Variants in HMGCLL1 observed in about 807,000 individuals in gnomAD.
HMGCLL1 encodes the protein 3-hydroxy-3-methylglutaryl-CoA lyase like 1, also known as 3-hydroxymethyl-3-methylglutaryl-CoA lyase, cytoplasmic.
HMGCLL1 carries 36 observed loss-of-function variants against 39.1 expected under a neutral mutation model. That is an observed-to-expected ratio of 0.92 (90% CI 0.71 to 1.22). The LOEUF is 1.22. Ranked by LOEUF, HMGCLL1 falls within the 50% of genes most tolerant of loss-of-function variation. HMGCLL1 has a pLI of 0.00. For synonymous variants in HMGCLL1, 149 were observed against 144.0 expected (o/e 1.03, Z -0.25); for missense variants, 451 against 416.5 (o/e 1.08, Z -0.72).
chr6:55,591,424 T>G, the HMGCLL1 span, among the ~76,000 whole-genome samples: 1 of 152,006 alleles, frequency 6.6e-6, no homozygotes, highest in Admixed American at 6.6e-5. Context: ...GCACTTCATC[T>G]TGATAATCAT....
intron 1 of HMGCLL1, among the ~76,000 whole-genome samples, chr6:55,552,124 A>T (rs1770363068): frequency 1.3e-5 from 2 of 152,020 alleles, no homozygotes; most frequent in South Asian, 4.1e-4. Flanking sequence ...GGGATCCAAA[A>T]ACAAACAAAC....
the HMGCLL1 span, among the ~76,000 whole-genome samples, chr6:55,607,270 T>C: frequency 1.3e-5 from 2 of 152,216 alleles, no homozygotes; most frequent in Non-Finnish European, 2.9e-5. Context: ...TCTGAGATTT[T>C]TCATGAGCAT....
chr6:55,668,759 G>A, the HMGCLL1 span, among the ~76,000 whole-genome samples: 1 of 151,788 alleles, frequency 6.6e-6, no homozygotes, highest in Admixed American at 6.6e-5. Flanking sequence ...AGATCTCAGA[G>A]AAAGTAGAGG....
intron 1 of HMGCLL1, among the ~76,000 whole-genome samples, chr6:55,565,151 A>C (rs1172061553): frequency 6.6e-6 from 1 of 152,120 alleles, no homozygotes; most frequent in African/African-American, 2.4e-5. Context: ...GACATTATGC[A>C]GTGAAAAACA....
chr6:55,558,645 A>C (rs2127469253), intron 1 of HMGCLL1, among the ~76,000 whole-genome samples: 1 of 152,292 alleles, frequency 6.6e-6, no homozygotes, highest in Non-Finnish European at 1.5e-5. Flanking sequence ...AACAATCACA[A>C]ATAAGCAGAG....
intron 7 of HMGCLL1, among the ~76,000 whole-genome samples, chr6:55,490,428 A>G (rs1766251843): frequency 6.6e-6 from 1 of 152,168 alleles, no homozygotes; most frequent in African/African-American, 2.4e-5. Context: ...TGATGAATCC[A>G]GTGTTCATTC....
the HMGCLL1 span, among the ~76,000 whole-genome samples, chr6:55,597,670 A>T: frequency 6.6e-6 from 1 of 152,188 alleles, no homozygotes; most frequent in East Asian, 1.9e-4. Flanking sequence ...ACCAACAACA[A>T]TGGTAAAATA....
At chr6:55,470,545 T>G (rs1017596739) in intron 7 of HMGCLL1, among the ~76,000 whole-genome samples, 1 of 151,840 alleles carries the variant, frequency 6.6e-6, no homozygotes. Flanking sequence ...TTCTTTAACT[T>G]TTAGATTTCT....
Position 55,434,841 on chromosome 6 carries a change from A to T in HMGCLL1, c.*821T>A, listed in dbSNP as rs1394239827. On this transcript the variant is annotated 3_prime_UTR_variant, in exon 9 of 9. Transcript: ENST00000274901. ...TATTTCCTTGGGCAATTTGAAAGTG[A>T]TCTGAAAATTATAAAGGTAGATTAT... The T allele has an allele frequency of 6.6e-6, 1 of 152,100 alleles. No homozygotes were observed. Among genetic ancestry groups the T allele is most frequent in the African/African-American group, 2.4e-5 (1 of 41,448 alleles). 9.4% of individuals were successfully genotyped at this position (152,100 alleles called of 1,614,324 possible).
At chr6:55,637,482 G>A in the HMGCLL1 span, among the ~76,000 whole-genome samples, 1 of 152,192 alleles carries the variant, frequency 6.6e-6, no homozygotes, top group Non-Finnish European at 1.5e-5. Context: ...GTTTCAGTTC[G>A]ATTATGTGGC....
chr6:55,514,284 G>T, intron 4 of HMGCLL1, 88 bp from the exon 5 acceptor site: 2 of 922,660 alleles, frequency 2.2e-6, no homozygotes, highest in Non-Finnish European at 3.2e-6. Context: ...CTCTATGAAG[G>T]CATACATGTA....
At position 55,439,484 on chromosome 6, in the gene HMGCLL1, C is replaced by T. The variant is rs769911043; in HGVS notation, c.871G>A (p.Val291Ile). The change falls in exon 8 of 9, where the codon GTA (valine) becomes ATA (isoleucine). Residue 291 changes from valine to isoleucine, a missense_variant. Transcript: ENST00000274901. ...ATATATATCAAATCCTCAGTGGCTACATTCCCAGAAGCACCTTTTGCATAA... is the reference window on the plus strand; with the variant it reads ...ATATATATCAAATCCTCAGTGGCTATATTCCCAGAAGCACCTTTTGCATAA... Reference protein sequence around the residue: ...CPYAKGASGNVATEDLIYMLN... With the variant: ...CPYAKGASGNIATEDLIYMLN... 3 of 1,612,672 alleles carry T rather than the reference C, an allele frequency of 1.9e-6. No individual in the cohort carries two copies. Among genetic ancestry groups the T allele is most frequent in the East Asian group, 4.5e-5 (2 of 44,866 alleles).
rs1763296805 is a variant in HMGCLL1, at chr6:55,434,512, C to CT, written c.*1149dup. ...ACCCGGTATTATTAGAGAAGTCTCT[C>CT]TAAATACTAGAACTGACATTTCAGA... On this transcript the variant is annotated 3_prime_UTR_variant, in exon 9 of 9. Transcript: ENST00000274901. 6.6e-6 allele frequency: 1 copy of CT among 152,036 alleles called. No individual in the cohort carries two copies. Among genetic ancestry groups the CT allele is most frequent in the African/African-American group, 2.4e-5 (1 of 41,424 alleles). The allele number at this position is 152,036 out of a possible 1,614,324, so 9.4% of individuals were successfully genotyped here.
chr6:55,606,565 T>TTA, the HMGCLL1 span, among the ~76,000 whole-genome samples: 551 of 152,174 alleles, frequency 3.6e-3, 4 homozygotes, highest in African/African-American at 0.012. Flanking sequence ...ATAGTTTTTT[T>TTA]AAAAATTTAT....
the HMGCLL1 span, among the ~76,000 whole-genome samples, chr6:55,627,546 C>A: frequency 1.3e-5 from 2 of 151,858 alleles, no homozygotes; most frequent in South Asian, 4.2e-4. Flanking sequence ...TTGAAGGATA[C>A]AAAGTATTAA....
the HMGCLL1 span, among the ~76,000 whole-genome samples, chr6:55,658,657 G>A: frequency 6.6e-5 from 10 of 151,952 alleles, no homozygotes; most frequent in Admixed American, 6.6e-4. Flanking sequence ...TAGGGATTGT[G>A]TAACATGGTA....
intron 7 of HMGCLL1, among the ~76,000 whole-genome samples, chr6:55,492,694 C>T (rs912007474): frequency 1.3e-5 from 2 of 152,206 alleles, no homozygotes; most frequent in East Asian, 3.8e-4. Flanking sequence ...GGCCTCATAT[C>T]ATGTTGCTTA....
chr6:55,563,791 G>A, intron 1 of HMGCLL1: 1 of 913,532 alleles, frequency 1.1e-6, no homozygotes, highest in South Asian at 1.4e-5. Context: ...AACAGTTTGA[G>A]AAGTTGTTAG....
chr6:55,565,861 T>C (rs1358295336), intron 1 of HMGCLL1, among the ~76,000 whole-genome samples: 1 of 152,076 alleles, frequency 6.6e-6, no homozygotes, highest in African/African-American at 2.4e-5. Flanking sequence ...GTCTTGAAAT[T>C]GTCTTTTAGA....
Sources: gnomAD v4.1 joint callset for allele counts (sites outside exome capture counted in the v4.1 genomes callset) on GRCh38, gnomAD v4.1.1 for gene constraint, MANE v1.5 for transcripts, NCBI Gene and HGNC (gene_info 2026-07-23, HGNC 2026-07-21) for gene names.